The following PTPRN2 variants were observed in gnomAD, a reference collection of about 807,000 sequenced individuals.
PTPRN2 encodes the protein receptor-type tyrosine-protein phosphatase N2.
In PTPRN2, 74 loss-of-function variants were observed where a neutral mutation model predicts 118.8. That is an observed-to-expected ratio of 0.62 (90% CI 0.52 to 0.76). The LOEUF (loss-of-function observed/expected upper bound fraction) is 0.76, where lower values mean the gene tolerates loss of function less well. PTPRN2 is among the 30% of genes least tolerant of loss of function. The probability of loss-of-function intolerance (pLI) is 0.00; values close to 1 mark genes in which losing one functional copy is unlikely to be tolerated. For missense variants in PTPRN2, 1,481 were observed against 1,394.4 expected, an observed-to-expected ratio of 1.06 and a Z score of -0.99; for synonymous variants, 641 against 608.0, an observed-to-expected ratio of 1.05 and a Z score of -0.80.
intron 11 of PTPRN2, among the ~76,000 whole-genome samples, chr7:157,970,228 A>T (rs772303133): frequency 6.6e-6 from 1 of 152,230 alleles, no homozygotes; most frequent in Non-Finnish European, 1.5e-5. Context: ...CCTTTGCCCT[A>T]TGAACTCCCC....
At chr7:158,404,833 G>GCCCCAGCTCCCCGGC in intron 2 of PTPRN2, among the ~76,000 whole-genome samples, 1 of 80,482 alleles carries the variant, frequency 1.2e-5, no homozygotes, top group African/African-American at 5.2e-5. Context: ...CAGCTCCCCG[G>GCCCCAGCTCCCCGGC]CCCCAGCTCC....
At chr7:158,075,832 T>G (rs112057465) in intron 11 of PTPRN2, among the ~76,000 whole-genome samples, 3,680 of 152,296 alleles carry the variant, frequency 0.024, 173 homozygotes, top group African/African-American at 0.085. Flanking sequence ...CAGCCACAGC[T>G]GGAGCCCAGG....
In PTPRN2 at chr7:158,130,401, AAC is replaced by A. The variant is rs556935918; in HGVS notation, c.1556+3274_1556+3275del. ...TGCACATATGCACACACTTCTACCC[AAC>A]ACACACACTCATACACACTCACACA... is the stretch of plus-strand genomic sequence containing the variant. On this transcript the variant is annotated intron_variant, in intron 9 of 22. Coordinates refer to ENST00000389418, the MANE Select transcript of PTPRN2 (RefSeq NM_002847.5). 3.4e-3 allele frequency among the ~76,000 whole-genome samples: 517 copies of A among 151,426 alleles called. 5 individuals are homozygous for A. The highest frequency in any genetic ancestry group is 0.012 in the African/African-American group (487 of 41,122).
At chr7:158,376,389 G>T (rs1448126512) in intron 2 of PTPRN2, among the ~76,000 whole-genome samples, 1 of 149,500 alleles carries the variant, frequency 6.7e-6, no homozygotes, top group African/African-American at 2.5e-5. Context: ...TCCTGCGAGG[G>T]GGGGTCAGGG....
chr7:157,654,064 G>A (rs1167250362), intron 14 of PTPRN2, among the ~76,000 whole-genome samples: 1 of 86,260 alleles, frequency 1.2e-5, no homozygotes, highest in Admixed American at 1.5e-4. Flanking sequence ...CACGATGCCC[G>A]CCGCTCCCCA....
At chr7:157,570,607 C>T (rs532902118) in intron 20 of PTPRN2, among the ~76,000 whole-genome samples, 3 of 152,288 alleles carry the variant, frequency 2.0e-5, no homozygotes, top group Admixed American at 6.5e-5. Context: ...GTTTTCTTTG[C>T]GTAAAATCTA....
chr7:157,895,288 G>A (rs1451250265), intron 12 of PTPRN2, among the ~76,000 whole-genome samples: 1 of 150,906 alleles, frequency 6.6e-6, no homozygotes, highest in South Asian at 2.1e-4. Flanking sequence ...GGATCTGGAC[G>A]AGACCATAAA....
intron 14 of PTPRN2, among the ~76,000 whole-genome samples, chr7:157,635,520 A>T (rs545456655): frequency 3.3e-5 from 5 of 152,388 alleles, no homozygotes; most frequent in Admixed American, 2.6e-4. Flanking sequence ...GTCATTCACC[A>T]TCTAAAATCA....
At chr7:157,820,508 C>T (rs1028779520) in intron 12 of PTPRN2, among the ~76,000 whole-genome samples, 1 of 149,338 alleles carries the variant, frequency 6.7e-6, no homozygotes, top group Non-Finnish European at 1.5e-5. Flanking sequence ...ATCCAACACA[C>T]GCATTCTTAC....
At chr7:158,501,378 G>C (rs1371573380) in intron 1 of PTPRN2, among the ~76,000 whole-genome samples, 2 of 152,202 alleles carry the variant, frequency 1.3e-5, no homozygotes, top group East Asian at 3.9e-4. Flanking sequence ...GAGCGCCCCA[G>C]TTCAGGAGGC....
intron 1 of PTPRN2, among the ~76,000 whole-genome samples, chr7:158,506,698 C>A (rs953814845): frequency 6.6e-6 from 1 of 151,868 alleles, no homozygotes; most frequent in African/African-American, 2.4e-5. Flanking sequence ...GGAAGGGCCC[C>A]GATCCTCCCC....
intron 11 of PTPRN2, among the ~76,000 whole-genome samples, chr7:158,057,600 G>A (rs915792674): frequency 4.6e-5 from 7 of 152,158 alleles, no homozygotes; most frequent in African/African-American, 1.2e-4. Context: ...TGAGGCAGAC[G>A]GCCAGCTGCC....
intron 11 of PTPRN2, among the ~76,000 whole-genome samples, chr7:157,912,269 A>G: frequency 6.6e-6 from 1 of 152,224 alleles, no homozygotes; most frequent in Non-Finnish European, 1.5e-5. Context: ...TGTCTTTGAT[A>G]ATTCATCAGT....
chr7:158,460,457 G>T (rs1015748063), intron 2 of PTPRN2, among the ~76,000 whole-genome samples: 5 of 151,166 alleles, frequency 3.3e-5, no homozygotes, highest in Non-Finnish European at 5.9e-5. Flanking sequence ...TCCTGCTAGA[G>T]GGTCTGTGTG....
chr7:158,322,082 T>C, intron 2 of PTPRN2, among the ~76,000 whole-genome samples: 1 of 152,296 alleles, frequency 6.6e-6, no homozygotes, highest in Non-Finnish European at 1.5e-5. Context: ...GTCCCCAGCA[T>C]TGCCTGAGCC....
chr7:158,120,173 G>C (rs1311550264), intron 9 of PTPRN2, among the ~76,000 whole-genome samples: 2 of 152,174 alleles, frequency 1.3e-5, no homozygotes, highest in Non-Finnish European at 2.9e-5. Context: ...ACAGAGTAGA[G>C]TGAAGGCTGC....
At chr7:158,249,030 A>T (rs1245173435) in intron 3 of PTPRN2, among the ~76,000 whole-genome samples, 1 of 146,906 alleles carries the variant, frequency 6.8e-6, no homozygotes, top group Non-Finnish European at 1.5e-5. Context: ...ACATAAACAC[A>T]CGTGCACACA....
intron 11 of PTPRN2, among the ~76,000 whole-genome samples, chr7:157,989,594 C>T (rs532614616): frequency 2.8e-5 from 4 of 145,266 alleles, no homozygotes; most frequent in South Asian, 2.2e-4. Context: ...TGACCAAGTG[C>T]GTCTAAGGGG....
chr7:158,165,235 C>G (rs556529417), intron 6 of PTPRN2, among the ~76,000 whole-genome samples: 3 of 151,536 alleles, frequency 2.0e-5, no homozygotes, highest in Non-Finnish European at 2.9e-5. Flanking sequence ...CACGCAAGTG[C>G]AGGAGGCAGG....
Sources: gnomAD v4.1 joint callset for allele counts (sites outside exome capture counted in the v4.1 genomes callset) on GRCh38, gnomAD v4.1.1 for gene constraint, MANE v1.5 for transcripts, NCBI Gene and HGNC (gene_info 2026-07-23, HGNC 2026-07-21) for gene names.